MAP7: variants seen among roughly 807,000 people sequenced by gnomAD.
MAP7 encodes ensconsin.
A neutral mutation model predicts 94.8 loss-of-function variants in MAP7; 52 were observed. The observed-to-expected ratio is 0.55, with a 90% CI of 0.44 to 0.69. The LOEUF is 0.69. MAP7 is among the 30% of genes least tolerant of loss of function. The pLI, the probability that MAP7 is intolerant of heterozygous loss-of-function variation, is 0.00. For synonymous variants in MAP7, 350 were observed against 357.0 expected (o/e 0.98, Z 0.22); for missense variants, 940 against 964.6 (o/e 0.97, Z 0.34).
intron 1 of MAP7, among the ~76,000 whole-genome samples, chr6:136,474,096 G>T (rs539189977): frequency 6.6e-6 from 1 of 152,202 alleles, no homozygotes; most frequent in South Asian, 2.1e-4. Context: ...CAGATAGAGG[G>T]ATGAGTAAGG....
intron 1 of MAP7, among the ~76,000 whole-genome samples, chr6:136,546,831 C>T (rs1341910596): frequency 1.3e-5 from 2 of 152,124 alleles, no homozygotes; most frequent in African/African-American, 2.4e-5. Context: ...CATTGGGAGG[C>T]AAAGATGTTA....
intron 1 of MAP7, among the ~76,000 whole-genome samples, chr6:136,501,518 T>C (rs560933660): frequency 2.0e-5 from 3 of 152,338 alleles, no homozygotes; most frequent in South Asian, 4.1e-4. Context: ...GTGGTTGTCA[T>C]TTCTCTTACT....
At chr6:136,496,777 T>TG (rs1818353777) in intron 1 of MAP7, among the ~76,000 whole-genome samples, 4 of 53,300 alleles carry the variant, frequency 7.5e-5, no homozygotes, top group Non-Finnish European at 1.4e-4. Context: ...CCGTCTCTAC[T>TG]AAAAAAAAAA....
At chr6:136,385,931 C>T (rs540040064) in intron 5 of MAP7, among the ~76,000 whole-genome samples, 7 of 152,042 alleles carry the variant, frequency 4.6e-5, no homozygotes, top group African/African-American at 1.4e-4. Context: ...CCACCATAGC[C>T]GGCTAGTTTT....
chr6:136,519,531 G>C (rs1335989276), intron 1 of MAP7, among the ~76,000 whole-genome samples: 1 of 152,144 alleles, frequency 6.6e-6, no homozygotes. Flanking sequence ...CTTAGAAAAG[G>C]ACATTACAGT....
At chr6:136,496,961 A>T (rs1818435125) in intron 1 of MAP7, among the ~76,000 whole-genome samples, 1 of 151,992 alleles carries the variant, frequency 6.6e-6, no homozygotes. Context: ...CTCAAAAAAA[A>T]AAATAAATGA....
intron 1 of MAP7, among the ~76,000 whole-genome samples, chr6:136,533,327 T>C (rs531580400): frequency 6.6e-6 from 1 of 152,224 alleles, no homozygotes; most frequent in South Asian, 2.1e-4. Context: ...TTCCCCTCAA[T>C]GAGCCAATTT....
intron 1 of MAP7, among the ~76,000 whole-genome samples, chr6:136,538,349 T>C (rs1829043654): frequency 6.6e-6 from 1 of 152,202 alleles, no homozygotes; most frequent in South Asian, 2.1e-4. Flanking sequence ...AGTTGTATGT[T>C]TCCTCTATTT....
chr6:136,515,959 T>C (rs1034731424), intron 1 of MAP7, among the ~76,000 whole-genome samples: 1 of 152,136 alleles, frequency 6.6e-6, no homozygotes, highest in Admixed American at 6.6e-5. Flanking sequence ...TAAAAGAAAG[T>C]ACGTGCATAC....
intron 1 of MAP7, among the ~76,000 whole-genome samples, chr6:136,534,146 T>C (rs1202380382): frequency 6.6e-6 from 1 of 152,244 alleles, no homozygotes; most frequent in East Asian, 1.9e-4. Flanking sequence ...TTCCACGAAA[T>C]AGAACCAATA....
At chr6:136,419,887 G>C in intron 2 of MAP7, 1 of 516,442 alleles carries the variant, frequency 1.9e-6, no homozygotes, top group South Asian at 2.0e-5. Context: ...TCAAGACTGA[G>C]GATTATCCAC....
At chr6:136,358,859 G>A (rs1469554024) in intron 15 of MAP7, among the ~76,000 whole-genome samples, 2 of 152,162 alleles carry the variant, frequency 1.3e-5, no homozygotes, top group East Asian at 3.9e-4. Flanking sequence ...ATCAGGAGCT[G>A]GGGGACCGGG....
rs1776727617 is a variant in MAP7 at position 136,377,999 on chromosome 6, C to T, written c.638-131G>A. 2.2e-5 allele frequency: 13 copies of T among 583,024 alleles called. No homozygotes were observed. The South Asian group carries it at 2.6e-4, about 12-fold the overall frequency. The allele number at this position is 583,024 out of a possible 1,614,324, so 36.1% of individuals were successfully genotyped here. Reference sequence around the variant, plus strand: ...AGGCTCTGCAGGGAGGATGGTTGGCCAAGAGTCAGGGCAACAGGACCCCTG... The same window carrying T: ...AGGCTCTGCAGGGAGGATGGTTGGCTAAGAGTCAGGGCAACAGGACCCCTG... On this transcript the variant is annotated intron_variant, in intron 6 of 17. Coordinates refer to ENST00000354570, the MANE Select transcript of MAP7 (RefSeq NM_003980.6).
intron 1 of MAP7, among the ~76,000 whole-genome samples, chr6:136,528,127 C>T (rs1828155590): frequency 6.6e-6 from 1 of 152,158 alleles, no homozygotes; most frequent in Non-Finnish European, 1.5e-5. Context: ...GGCAGCAAGT[C>T]TACAATTAAA....
At chr6:136,462,415 A>C (rs973865071) in intron 1 of MAP7, among the ~76,000 whole-genome samples, 18 of 152,226 alleles carry the variant, frequency 1.2e-4, no homozygotes, top group African/African-American at 4.1e-4. Flanking sequence ...CAGTTCTTTC[A>C]TTTTATCTCA....
chr6:136,359,717 C>G, intron 15 of MAP7, 103 bp downstream of exon 15: 1 of 1,099,642 alleles, frequency 9.1e-7, no homozygotes, highest in Non-Finnish European at 1.4e-6. Context: ...TCTGTAAGCA[C>G]TGGATCTTTT....
At chr6:136,367,827 A>C (rs1794708038) in intron 8 of MAP7, among the ~76,000 whole-genome samples, 1 of 152,150 alleles carries the variant, frequency 6.6e-6, no homozygotes, top group South Asian at 2.1e-4. Context: ...ACAGGGTGGC[A>C]TGCCCAGGTC....
In MAP7 at chr6:136,343,077, TTAG is replaced by T. The variant is rs893024264; in HGVS notation, c.*1148_*1150del. On this transcript the variant is annotated 3_prime_UTR_variant, in exon 18 of 18. Transcript: ENST00000354570. ...CACCCTCTCCTTCTACATTTAATCA[TTAG>T]TAGTCTCTAAAATGGTAAAATAAAA... 4.6e-5 allele frequency: 7 copies of T among 152,602 alleles called. No individual in the cohort carries two copies. The highest frequency in any genetic ancestry group is 1.7e-4 in the African/African-American group (7 of 41,444). 9.5% of individuals were successfully genotyped at this position (152,602 alleles called of 1,614,324 possible).
At chr6:136,534,460 T>C (rs1018416481) in intron 1 of MAP7, among the ~76,000 whole-genome samples, 1 of 152,230 alleles carries the variant, frequency 6.6e-6, no homozygotes, top group African/African-American at 2.4e-5. Context: ...CAACATCTAA[T>C]GTTTGGGCTG....
Sources: gnomAD v4.1 joint callset for allele counts (sites outside exome capture counted in the v4.1 genomes callset) on GRCh38, gnomAD v4.1.1 for gene constraint, MANE v1.5 for transcripts, NCBI Gene and HGNC (gene_info 2026-07-23, HGNC 2026-07-21) for gene names.